Variants in RBM33 observed in about 807,000 individuals in gnomAD.
RBM33 encodes the protein RNA binding motif protein 33.
In RBM33, 28 loss-of-function variants were observed where a neutral mutation model predicts 132.6. The ratio of observed to expected loss-of-function variants is 0.21; its 90% CI spans 0.16 to 0.29. RBM33 has a LOEUF of 0.29. Among genes scored for constraint, RBM33 ranks in the 10% least tolerant of loss-of-function variants. The pLI is 1.00. For synonymous variants in RBM33, 634 were observed against 593.0 expected (o/e 1.07, Z -1.01); for missense variants, 1,291 against 1,518.5 (o/e 0.85, Z 2.49).
At chr7:155,661,007 T>G (rs892137967) in intron 1 of RBM33, among the ~76,000 whole-genome samples, 1 of 152,002 alleles carries the variant, frequency 6.6e-6, no homozygotes, top group Non-Finnish European at 1.5e-5. Context: ...TCACATCTAC[T>G]ACTGAGCCCC....
At position 155,752,619 on chromosome 7, in the gene RBM33, G is replaced by A. The variant is rs531586666; in HGVS notation, c.2979+7017G>A. Among the ~76,000 whole-genome samples, 4 of 152,284 alleles carry A rather than the reference G, an allele frequency of 2.6e-5. No homozygotes were observed. In the East Asian group the frequency reaches 7.7e-4, roughly 29 times the overall value. ...GACACAGCTGAGCACTGAGTTGAGAGCTGGGCAGAAACGTGCATCACATGC... is the reference window on the plus strand; with the variant it reads ...GACACAGCTGAGCACTGAGTTGAGAACTGGGCAGAAACGTGCATCACATGC... On this transcript the variant is annotated intron_variant, in intron 14 of 17. Transcript: ENST00000401878.
chr7:155,686,812 T>G (rs552392245), intron 5 of RBM33, among the ~76,000 whole-genome samples: 2 of 152,222 alleles, frequency 1.3e-5, no homozygotes, highest in Non-Finnish European at 2.9e-5. Flanking sequence ...CATGAACTCA[T>G]CCTTTTTTAT....
At chr7:155,678,491 G>A (rs774115684) in intron 3 of RBM33, 117 bp from the exon 4 acceptor site, 64 of 622,128 alleles carry the variant, frequency 1.0e-4, no homozygotes, top group Non-Finnish European at 9.4e-5. Context: ...AAAGCCTTCC[G>A]GGTGGCAAAC....
intron 9 of RBM33, among the ~76,000 whole-genome samples, chr7:155,735,015 G>A (rs541685807): frequency 6.6e-6 from 1 of 152,104 alleles, no homozygotes; most frequent in Non-Finnish European, 1.5e-5. Flanking sequence ...ACTTACGATG[G>A]GGTTACATTA....
intron 6 of RBM33, among the ~76,000 whole-genome samples, chr7:155,702,168 T>A (rs1177710472): frequency 6.6e-6 from 1 of 152,212 alleles, no homozygotes; most frequent in Middle Eastern, 3.2e-3. Context: ...CATGATTAAT[T>A]ACTTTTTAAA....
At chr7:155,762,686 T>C (rs1802074759) in intron 14 of RBM33, among the ~76,000 whole-genome samples, 1 of 152,118 alleles carries the variant, frequency 6.6e-6, no homozygotes, top group Non-Finnish European at 1.5e-5. Flanking sequence ...CAAGATAACG[T>C]TTGGTAGGAA....
At chr7:155,708,481 G>C (rs1206296835) in intron 7 of RBM33, among the ~76,000 whole-genome samples, 1 of 152,214 alleles carries the variant, frequency 6.6e-6, no homozygotes, top group Non-Finnish European at 1.5e-5. Context: ...TCCTGGAAAA[G>C]TTGTTGAGCT....
intron 5 of RBM33, among the ~76,000 whole-genome samples, chr7:155,692,394 CGGAATATCTTTTAGAGGATTCT>C (rs1477389726): frequency 1.3e-5 from 2 of 152,120 alleles, no homozygotes; most frequent in African/African-American, 4.8e-5. Flanking sequence ...TCCTTTGTTC[CGGAATATCTTTTAGAGGATTCT>C]GGTGTAGCAG....
intron 5 of RBM33, among the ~76,000 whole-genome samples, chr7:155,682,382 C>T (rs758848719): frequency 1.3e-5 from 2 of 152,118 alleles, no homozygotes; most frequent in African/African-American, 2.4e-5. Flanking sequence ...AGTAATCCTT[C>T]GCTAATGTAG....
In RBM33 at chr7:155,741,932, G is replaced by A. The variant is rs1288796177; in HGVS notation, c.2163G>A (p.Met721Ile). Reference protein sequence around the residue: ...LPIAPSHVIEMSSSRCSATPS... With the variant: ...LPIAPSHVIEISSSRCSATPS... ...TAGCGCCGTCACACGTGATAGAAAT[G>A]AGCAGCAGCCGCTGCTCTGCCACGC... The change falls in exon 13 of 18, where the codon ATG becomes ATA. Residue 721 changes from methionine to isoleucine, a missense_variant. Physicochemically the swap from Met to Ile is conservative, Grantham distance 10. This residue lies in a region of RBM33 where 841 missense variants were observed against 912.0 expected (regional missense o/e 0.92). Coordinates refer to ENST00000401878, the MANE Select transcript of RBM33 (RefSeq NM_053043.3). The A allele has an allele frequency of 1.9e-6, 3 of 1,613,860 alleles. No homozygotes were observed. Among genetic ancestry groups the A allele is most frequent in the Non-Finnish European group, 2.5e-6 (3 of 1,179,894 alleles).
At chr7:155,660,683 T>C (rs1207463518) in intron 1 of RBM33, among the ~76,000 whole-genome samples, 1 of 152,348 alleles carries the variant, frequency 6.6e-6, no homozygotes, top group East Asian at 1.9e-4. Context: ...GTCTTTGGCT[T>C]CGAAACATTT....
At chr7:155,712,800 G>T (rs1800344989) in intron 8 of RBM33, among the ~76,000 whole-genome samples, 1 of 152,262 alleles carries the variant, frequency 6.6e-6, no homozygotes, top group African/African-American at 2.4e-5. Context: ...GTACCGTGGG[G>T]CCGTGGGGCC....
Position 155,718,413 on chromosome 7 carries a change from G to A in RBM33, c.1230G>A (p.Pro410=), listed in dbSNP as rs1363126154. The A allele has an allele frequency of 1.7e-5, 27 of 1,613,874 alleles. No individual in the cohort carries two copies. Among genetic ancestry groups the A allele is most frequent in the Middle Eastern group, 3.3e-4 (2 of 6,062 alleles). Reference sequence around the variant, plus strand: ...CCTTGCTACCAGTTCCGAGCCAGCCGAGACCTGCCGTGGGACCCCAGAGAT... The same window carrying A: ...CCTTGCTACCAGTTCCGAGCCAGCCAAGACCTGCCGTGGGACCCCAGAGAT... ...QVPLLPVPSQ[P]RPAVGPQRFP... Residue 410 remains proline, a synonymous_variant, in exon 9 of 18, where the codon CCG becomes CCA. Transcript: ENST00000401878.
intron 9 of RBM33, among the ~76,000 whole-genome samples, chr7:155,729,099 A>AG (rs2117009571): frequency 6.6e-6 from 1 of 152,304 alleles, no homozygotes; most frequent in South Asian, 2.1e-4. Context: ...CAGGAGGCAA[A>AG]GGGGGAGCAA....
chr7:155,730,368 A>G (rs1406942137), intron 9 of RBM33, among the ~76,000 whole-genome samples: 1 of 152,244 alleles, frequency 6.6e-6, no homozygotes, highest in African/African-American at 2.4e-5. Context: ...AGATATGGAA[A>G]TATGTCAGAA....
At chr7:155,645,938 A>G (rs938975679) in intron 1 of RBM33, among the ~76,000 whole-genome samples, 5 of 152,348 alleles carry the variant, frequency 3.3e-5, no homozygotes, top group Middle Eastern at 3.4e-3. Flanking sequence ...GACTAAGTGT[A>G]GGAATGTCGC....
At chr7:155,707,119 G>C in intron 7 of RBM33, 51 bp downstream of exon 7, 1 of 1,394,822 alleles carries the variant, frequency 7.2e-7, no homozygotes, top group Admixed American at 2.1e-5. Context: ...ACAAATGGCA[G>C]TAAGCTTTTG....
At chr7:155,665,118 T>C in intron 1 of RBM33, 57 bp from the exon 2 acceptor site, 1 of 1,460,870 alleles carries the variant, frequency 6.8e-7, no homozygotes, top group East Asian at 2.3e-5. Context: ...GTTTGAATTA[T>C]TTGCATTGTG....
At chr7:155,658,976 C>T (rs974904913) in intron 1 of RBM33, among the ~76,000 whole-genome samples, 1 of 152,180 alleles carries the variant, frequency 6.6e-6, no homozygotes, top group African/African-American at 2.4e-5. Context: ...TTAAGGAAAT[C>T]TACCAGGTCG....
Sources: allele counts gnomAD v4.1 joint callset (sites outside exome capture counted in the v4.1 genomes callset), GRCh38; gene constraint gnomAD v4.1.1; regional missense constraint gnomAD v4.1.1; transcripts MANE v1.5; gene names NCBI Gene and HGNC (gene_info 2026-07-23, HGNC 2026-07-21).